The following BCL2 variants were observed in gnomAD, a reference collection of about 807,000 sequenced individuals.
The protein encoded by BCL2 is BCL2 apoptosis regulator.
In BCL2, 1 loss-of-function variant was observed where a neutral mutation model predicts 14.2. The observed-to-expected ratio is 0.07, with a 90% CI of 0.02 to 0.33. BCL2 has a LOEUF of 0.33. BCL2 is among the 10% of genes least tolerant of loss of function. The pLI is 0.99. For missense variants in BCL2, 247 were observed against 305.9 expected (o/e 0.81, Z 1.44); for synonymous variants, 151 against 137.2 (o/e 1.10, Z -0.70).
chr18:63,231,649 G>A (rs911902456), intron 2 of BCL2, among the ~76,000 whole-genome samples: 1 of 151,846 alleles, frequency 6.6e-6, no homozygotes, highest in Admixed American at 6.6e-5. Context: ...GAGGTGCAAG[G>A]CCTATATGGA....
rs375217502 is a variant in BCL2, at chr18:63,128,608, G to C, written c.*17C>G. ...AGTGAACCTTTTGCATATTTGTTTG[G>C]GGCAGGCATGTTGACTTCACTTGTG... On this transcript the variant is annotated 3_prime_UTR_variant, in exon 3 of 3. Coordinates refer to ENST00000333681, the MANE Select transcript of BCL2 (RefSeq NM_000633.3). 8.9e-5 allele frequency: 69 copies of C among 779,312 alleles called. No homozygotes were observed. The highest frequency in any genetic ancestry group is 1.4e-4 in the Non-Finnish European group (60 of 417,290). The allele number at this position is 779,312 out of a possible 1,614,324, so 48.3% of individuals were successfully genotyped here. A position where few individuals can be genotyped will look rare whatever the true frequency, so the allele number is the denominator to read the frequency against.
intron 2 of BCL2, among the ~76,000 whole-genome samples, chr18:63,173,690 T>C (rs1328633555): frequency 6.6e-6 from 1 of 152,210 alleles, no homozygotes; most frequent in Non-Finnish European, 1.5e-5. Context: ...AGGAATAGAT[T>C]AATGTATGTC....
intron 2 of BCL2, among the ~76,000 whole-genome samples, chr18:63,211,063 C>CTTTTTTTTTTTTTTTT (rs59302545): frequency 1.9e-4 from 11 of 59,156 alleles, no homozygotes; most frequent in African/African-American, 2.8e-4. Context: ...CTTTTCATTT[C>CTTTTTTTTTTTTTTTT]TTTTTTTTTT....
intron 2 of BCL2, among the ~76,000 whole-genome samples, chr18:63,192,641 C>G (rs1023818390): frequency 2.0e-5 from 3 of 152,240 alleles, no homozygotes; most frequent in South Asian, 2.1e-4. Flanking sequence ...GCAGCTGGCT[C>G]CTTGGAATGA....
intron 2 of BCL2, among the ~76,000 whole-genome samples, chr18:63,241,460 AC>A (rs1220486449): frequency 6.6e-6 from 1 of 152,224 alleles, no homozygotes; most frequent in Non-Finnish European, 1.5e-5. Context: ...TTTGCCATTT[AC>A]GTCATCATGA....
At chr18:63,270,097 A>G (rs1464961501) in intron 2 of BCL2, among the ~76,000 whole-genome samples, 2 of 152,334 alleles carry the variant, frequency 1.3e-5, no homozygotes, top group East Asian at 1.9e-4. Context: ...TATTTCACCT[A>G]CTATTTTCAC....
At chr18:63,133,940 G>A (rs1026184974) in intron 2 of BCL2, among the ~76,000 whole-genome samples, 1 of 152,184 alleles carries the variant, frequency 6.6e-6, no homozygotes, top group African/African-American at 2.4e-5. Context: ...ATGGAGTGCT[G>A]TTCAGCATTA....
chr18:63,179,114 A>T (rs930528319), intron 2 of BCL2, among the ~76,000 whole-genome samples: 1 of 152,330 alleles, frequency 6.6e-6, no homozygotes, highest in East Asian at 1.9e-4. Flanking sequence ...CCTGAAGCAC[A>T]GCATGAGTGC....
At chr18:63,221,210 C>G (rs1976005) in intron 2 of BCL2, among the ~76,000 whole-genome samples, 140,642 of 152,250 alleles carry the variant, frequency 0.92, 65,403 homozygotes, top group Non-Finnish European at 0.98. Context: ...GGTTGGACAA[C>G]GGATCTTTAA....
chr18:63,196,401 T>C (rs980079611), intron 2 of BCL2, among the ~76,000 whole-genome samples: 1 of 152,112 alleles, frequency 6.6e-6, no homozygotes, highest in Non-Finnish European at 1.5e-5. Context: ...TCAATACTAA[T>C]TAAGTATTGA....
At chr18:63,264,127 C>A (rs1344254029) in intron 2 of BCL2, among the ~76,000 whole-genome samples, 1 of 152,208 alleles carries the variant, frequency 6.6e-6, no homozygotes. Context: ...GATGGCCCCG[C>A]CTTTGAATCC....
intron 2 of BCL2, among the ~76,000 whole-genome samples, chr18:63,262,921 C>A (rs1227098881): frequency 1.3e-5 from 2 of 152,184 alleles, no homozygotes; most frequent in Non-Finnish European, 2.9e-5. Flanking sequence ...TGCCAGGGAA[C>A]AAAGTGATCC....
At chr18:63,138,065 G>A (rs773457570) in intron 2 of BCL2, among the ~76,000 whole-genome samples, 1 of 152,180 alleles carries the variant, frequency 6.6e-6, no homozygotes, top group Admixed American at 6.5e-5. Context: ...GAGAGAGAAC[G>A]CCAGGAGAAA....
chr18:63,274,287 T>TC (rs1442285528), intron 2 of BCL2, among the ~76,000 whole-genome samples: 2 of 143,584 alleles, frequency 1.4e-5, no homozygotes, highest in African/African-American at 5.2e-5. Flanking sequence ...CTTTTTTTTT[T>TC]TTTTTTTTTT....
chr18:63,229,005 C>T lies in BCL2; in HGVS notation c.585+89077G>A, dbSNP rs887807494. Among the ~76,000 whole-genome samples, 6 of 152,304 alleles carry T rather than the reference C, an allele frequency of 3.9e-5. No individual in the cohort carries two copies. In the South Asian group the frequency reaches 6.2e-4, roughly 16 times the overall value. ...GATTACAGGCATGAGCCACCACGCCCGGCCTACAGCCAAAAGCATTTTGAG... is the reference window on the plus strand; with the variant it reads ...GATTACAGGCATGAGCCACCACGCCTGGCCTACAGCCAAAAGCATTTTGAG... On this transcript the variant is annotated intron_variant, in intron 2 of 2. Coordinates refer to ENST00000333681, the MANE Select transcript of BCL2 (RefSeq NM_000633.3).
In BCL2 at chr18:63,124,025, T is replaced by A; in HGVS notation, c.*4600A>T. On this transcript the variant is annotated 3_prime_UTR_variant, in exon 3 of 3. Coordinates refer to ENST00000333681, the MANE Select transcript of BCL2 (RefSeq NM_000633.3). ...TTGTTGATAGGATGTTTGCTTGAAG[T>A]TATTTTTCTGGGGCAGTCCAGATGA... The A allele has an allele frequency of 4.5e-6, 1 of 221,592 alleles. No individual in the cohort carries two copies. The highest frequency in any genetic ancestry group is 9.0e-6 in the Non-Finnish European group (1 of 110,738). 13.7% of individuals were successfully genotyped at this position (221,592 alleles called of 1,614,324 possible).
intron 2 of BCL2, among the ~76,000 whole-genome samples, chr18:63,292,859 A>C (rs1912690662): frequency 6.6e-6 from 1 of 152,232 alleles, no homozygotes; most frequent in Non-Finnish European, 1.5e-5. Flanking sequence ...GCTCTCTGCC[A>C]ACTGCAGTAG....
intron 2 of BCL2, among the ~76,000 whole-genome samples, chr18:63,142,765 T>G (rs1914400910): frequency 6.6e-6 from 1 of 152,218 alleles, no homozygotes; most frequent in Non-Finnish European, 1.5e-5. Flanking sequence ...AACTCCTCAG[T>G]GAGCTCCATA....
chr18:63,159,824 A>G (rs968332544), intron 2 of BCL2, among the ~76,000 whole-genome samples: 1 of 152,238 alleles, frequency 6.6e-6, no homozygotes, highest in Non-Finnish European at 1.5e-5. Context: ...GAATCTGCTC[A>G]CCTTGCAAAG....
Sources: allele counts gnomAD v4.1 joint callset (sites outside exome capture counted in the v4.1 genomes callset), GRCh38; gene constraint gnomAD v4.1.1; transcripts MANE v1.5; gene names NCBI Gene and HGNC (gene_info 2026-07-23, HGNC 2026-07-21).